SLC35F5: variants seen among roughly 807,000 people sequenced by gnomAD.
The protein encoded by SLC35F5 is solute carrier family 35 member F5.
SLC35F5 carries 54 observed loss-of-function variants against 68.6 expected under a neutral mutation model. The observed-to-expected ratio is 0.79, with a 90% CI of 0.63 to 0.99. The LOEUF is 0.99. Ranked by LOEUF, SLC35F5 falls within the 50% of genes least tolerant of loss-of-function variation. SLC35F5 has a pLI of 0.00. For synonymous variants in SLC35F5, 211 were observed against 205.2 expected (o/e 1.03, Z -0.24); for missense variants, 567 against 626.9 (o/e 0.90, Z 1.02).
At position 113,714,211 on chromosome 2, in the gene SLC35F5, A is replaced by C. The variant is rs1425296400; in HGVS notation, c.*1007T>G. The C allele has an allele frequency of 6.6e-6, 1 of 152,150 alleles. No individual in the cohort carries two copies. Among genetic ancestry groups the C allele is most frequent in the African/African-American group, 2.4e-5 (1 of 41,458 alleles). The allele number at this position is 152,150 out of a possible 1,614,324, so 9.4% of individuals were successfully genotyped here. On this transcript the variant is annotated 3_prime_UTR_variant, in exon 16 of 16. Coordinates refer to ENST00000245680, the MANE Select transcript of SLC35F5 (RefSeq NM_025181.5). ...TAAAAACAGAATCCCTTCTCGCCTTACTTACTTGGTACTTTAACCATTACA... is the reference window on the plus strand; with the variant it reads ...TAAAAACAGAATCCCTTCTCGCCTTCCTTACTTGGTACTTTAACCATTACA...
Position 113,731,487 on chromosome 2 carries a change from T to C in SLC35F5, c.985+97A>G. 5 of 805,102 alleles carry C rather than the reference T, an allele frequency of 6.2e-6. No homozygotes were observed. In the South Asian group the frequency reaches 1.0e-4, roughly 16 times the overall value. The allele number at this position is 805,102 out of a possible 1,614,324, so 49.9% of individuals were successfully genotyped here. ...AAAGTTCAAAAAAAACCCACCCTGCTAGTGCCTACCCTTTGTGCGTTCATC... is the reference window on the plus strand; with the variant it reads ...AAAGTTCAAAAAAAACCCACCCTGCCAGTGCCTACCCTTTGTGCGTTCATC... On this transcript the variant is annotated intron_variant, in intron 10 of 15. Transcript: ENST00000245680.
chr2:113,754,465 G>A (rs1676886342), intron 3 of SLC35F5, among the ~76,000 whole-genome samples: 1 of 151,980 alleles, frequency 6.6e-6, no homozygotes, highest in Non-Finnish European at 1.5e-5. Context: ...AAATTGCAAC[G>A]TAGAAGTTGA....
intron 12 of SLC35F5, among the ~76,000 whole-genome samples, chr2:113,723,616 G>A (rs1687541707): frequency 6.6e-6 from 1 of 152,160 alleles, no homozygotes. Context: ...AAGCCAACAT[G>A]TGATTCTGTC....
chr2:113,753,447 G>C (rs532292130), intron 3 of SLC35F5, among the ~76,000 whole-genome samples: 1 of 152,056 alleles, frequency 6.6e-6, no homozygotes, highest in South Asian at 2.1e-4. Context: ...AAAGTGTTGG[G>C]ATTTCAGGCG....
chr2:113,731,573 C>T lies in SLC35F5; in HGVS notation c.985+11G>A. 1 of 1,608,522 alleles carries T rather than the reference C, an allele frequency of 6.2e-7. No homozygotes were observed. Among genetic ancestry groups the T allele is most frequent in the Non-Finnish European group, 8.5e-7 (1 of 1,175,108 alleles). ...TACTCTAACAGAGAGAATCCAGAGT[C>T]CAGTACTTACCTACTGTGTCTCTTC... On this transcript the variant is annotated intron_variant, in intron 10 of 15. Coordinates refer to ENST00000245680, the MANE Select transcript of SLC35F5 (RefSeq NM_025181.5).
At chr2:113,753,480 T>A (rs990468833) in intron 3 of SLC35F5, among the ~76,000 whole-genome samples, 1 of 152,140 alleles carries the variant, frequency 6.6e-6, no homozygotes, top group African/African-American at 2.4e-5. Context: ...CCTGGCCCTA[T>A]CTCCAAAGTT....
intron 1 of SLC35F5, chr2:113,756,002 C>T: frequency 6.6e-7 from 1 of 1,518,624 alleles, no homozygotes; most frequent in Non-Finnish European, 8.8e-7. Context: ...TTTCCAATCT[C>T]TTCAAGTGGT....
rs1003741500 is a variant in SLC35F5, at chr2:113,711,577, T to C, written c.*3641A>G. 1.3e-5 allele frequency among the ~76,000 whole-genome samples: 2 copies of C among 152,138 alleles called. No individual in the cohort carries two copies. Among genetic ancestry groups the C allele is most frequent in the Non-Finnish European group, 2.9e-5 (2 of 68,014 alleles). On this transcript the variant is annotated 3_prime_UTR_variant, in exon 16 of 16. Coordinates refer to ENST00000245680, the MANE Select transcript of SLC35F5 (RefSeq NM_025181.5). ...AAAAATCAACCTCAATTTATCTAAA[T>C]GGGATTTGGGGGACACGGCAGACTA...
At position 113,709,441 on chromosome 2, in the gene SLC35F5, G is replaced by C. The variant is rs901985741; in HGVS notation, c.*5777C>G. Reference sequence around the variant, plus strand: ...TTCTCACTTTATAGCTGAGAAGAGTGAGGGAAGGACGGACCATGGGAGTCA... The same window carrying C: ...TTCTCACTTTATAGCTGAGAAGAGTCAGGGAAGGACGGACCATGGGAGTCA... On this transcript the variant is annotated 3_prime_UTR_variant, in exon 16 of 16. Transcript: ENST00000245680. Among the ~76,000 whole-genome samples, 1 of 152,250 alleles carries C rather than the reference G, an allele frequency of 6.6e-6. No individual in the cohort carries two copies. The highest frequency in any genetic ancestry group is 1.5e-5 in the Non-Finnish European group (1 of 68,044).
intron 6 of SLC35F5, 119 bp downstream of exon 6, chr2:113,743,594 C>A: frequency 1.5e-6 from 1 of 649,222 alleles, no homozygotes; most frequent in South Asian, 2.6e-5. Flanking sequence ...AGACTATAGG[C>A]TGAGTCAAGA....
chr2:113,709,107 G>A lies in SLC35F5; in HGVS notation c.*6111C>T, dbSNP rs1686889255. On this transcript the variant is annotated 3_prime_UTR_variant, in exon 16 of 16. Transcript: ENST00000245680. ...AAATTACGGCCTATGTGGTGTCACT[G>A]TTATTACCACTCTTTACAAAGCACT... Among the ~76,000 whole-genome samples, 3 of 152,206 alleles carry A rather than the reference G, an allele frequency of 2.0e-5. No homozygotes were observed. Among genetic ancestry groups the A allele is most frequent in the Non-Finnish European group, 4.4e-5 (3 of 68,032 alleles).
At chr2:113,742,580 C>A in intron 7 of SLC35F5, 112 bp downstream of exon 7, 1 of 1,082,530 alleles carries the variant, frequency 9.2e-7, no homozygotes, top group Non-Finnish European at 1.3e-6. Flanking sequence ...AGTTTAAAGT[C>A]ATGATTAAAC....
intron 4 of SLC35F5, among the ~76,000 whole-genome samples, chr2:113,747,271 A>T (rs577569620): frequency 9.1e-4 from 134 of 146,786 alleles, no homozygotes; most frequent in African/African-American, 3.3e-3. Flanking sequence ...TGGGCCACAG[A>T]GCAAGATTCC....
downstream of SLC35F5, chr2:113,703,656 A>G (rs570899182): frequency 3.9e-5 from 6 of 152,204 alleles, no homozygotes; most frequent in South Asian, 1.2e-3. Context: ...ACTTGATTTT[A>G]GATGTTTCTC....
intron 12 of SLC35F5, among the ~76,000 whole-genome samples, chr2:113,724,703 C>T (rs1687589743): frequency 6.6e-6 from 1 of 152,020 alleles, no homozygotes; most frequent in African/African-American, 2.4e-5. Context: ...TTTATTCATT[C>T]TATTCATTTC....
At chr2:113,743,867 G>C in intron 5 of SLC35F5, 73 bp from the exon 6 acceptor site, 1 of 1,211,270 alleles carries the variant, frequency 8.3e-7, no homozygotes. Context: ...TAAATGGATA[G>C]TACGTAGACA....
At chr2:113,740,938 T>G (rs1006332674) in intron 7 of SLC35F5, among the ~76,000 whole-genome samples, 1 of 151,972 alleles carries the variant, frequency 6.6e-6, no homozygotes, top group Non-Finnish European at 1.5e-5. Context: ...TTTTTTCATC[T>G]TATAAAACTG....
In SLC35F5 at chr2:113,756,565, A is replaced by C. The variant is rs1317572654; in HGVS notation, c.-156T>G. ...GAGGCTCCCGACACCACCCAACTCCACTCGGCCCAGGAGGGCGTGGAGCGG... is the reference window on the plus strand; with the variant it reads ...GAGGCTCCCGACACCACCCAACTCCCCTCGGCCCAGGAGGGCGTGGAGCGG... On this transcript the variant is annotated 5_prime_UTR_variant, in exon 1 of 16. Coordinates refer to ENST00000245680, the MANE Select transcript of SLC35F5 (RefSeq NM_025181.5). 3 of 1,458,882 alleles carry C rather than the reference A, an allele frequency of 2.1e-6. No individual in the cohort carries two copies. Among genetic ancestry groups the C allele is most frequent in the Non-Finnish European group, 2.7e-6 (3 of 1,108,450 alleles). The allele number at this position is 1,458,882 out of a possible 1,614,324, so 90.4% of individuals were successfully genotyped here. A position where few individuals can be genotyped will look rare whatever the true frequency, so the allele number is the denominator to read the frequency against.
intron 15 of SLC35F5, 145 bp from the exon 16 acceptor site, chr2:113,715,340 T>C (rs1478808452): frequency 6.6e-6 from 1 of 152,222 alleles, no homozygotes; most frequent in Non-Finnish European, 1.5e-5. Context: ...ATACTCAAAT[T>C]TGGAGTACTA....
Sources: allele counts gnomAD v4.1 joint callset (sites outside exome capture counted in the v4.1 genomes callset), GRCh38; gene constraint gnomAD v4.1.1; transcripts MANE v1.5; gene names NCBI Gene and HGNC (gene_info 2026-07-23, HGNC 2026-07-21).